Variants in MACROD2 observed in about 807,000 individuals in gnomAD.
MACROD2 encodes mono-ADP ribosylhydrolase 2, also known as ADP-ribose glycohydrolase MACROD2.
A neutral mutation model predicts 70.4 loss-of-function variants in MACROD2; 36 were observed. The ratio of observed to expected loss-of-function variants is 0.51; its 90% CI spans 0.39 to 0.68. MACROD2 has a LOEUF of 0.68. Ranked by LOEUF, MACROD2 falls within the 30% of genes least tolerant of loss-of-function variation. The pLI is 0.00. For missense variants in MACROD2, 496 were observed against 538.4 expected, an observed-to-expected ratio of 0.92 and a Z score of 0.78; for synonymous variants, 172 against 178.8, an observed-to-expected ratio of 0.96 and a Z score of 0.30.
chr20:15,990,877 G>T (rs576891004), intron 15 of MACROD2, among the ~76,000 whole-genome samples: 1 of 152,168 alleles, frequency 6.6e-6, no homozygotes, highest in South Asian at 2.1e-4. Context: ...CAATTATAAG[G>T]TTCTCCAGTT....
At chr20:14,387,224 A>G (rs563685713) in intron 3 of MACROD2, among the ~76,000 whole-genome samples, 3 of 152,256 alleles carry the variant, frequency 2.0e-5, no homozygotes, top group African/African-American at 7.2e-5. Flanking sequence ...GTTTCTTTGT[A>G]TGCTTTGTAA....
chr20:14,106,795 C>A (rs1045725905), intron 3 of MACROD2, among the ~76,000 whole-genome samples: 3 of 152,134 alleles, frequency 2.0e-5, no homozygotes, highest in African/African-American at 7.2e-5. Flanking sequence ...GCCTAGTAAT[C>A]CAGACAATTC....
chr20:14,759,839 T>C (rs1351159035), intron 5 of MACROD2, among the ~76,000 whole-genome samples: 2 of 152,118 alleles, frequency 1.3e-5, no homozygotes, highest in Non-Finnish European at 2.9e-5. Flanking sequence ...ATATTAGTTG[T>C]CCCTTCTTTT....
intron 4 of MACROD2, among the ~76,000 whole-genome samples, chr20:14,668,790 C>T (rs1411023342): frequency 6.6e-6 from 1 of 151,798 alleles, no homozygotes; most frequent in Non-Finnish European, 1.5e-5. Flanking sequence ...TGCACATTTC[C>T]ATGAAAATTT....
intron 3 of MACROD2, among the ~76,000 whole-genome samples, chr20:14,398,021 A>C (rs2083598763): frequency 6.6e-6 from 1 of 152,126 alleles, no homozygotes; most frequent in Non-Finnish European, 1.5e-5. Flanking sequence ...CACTTAACAT[A>C]ATGGCCTTCA....
At chr20:15,683,937 T>C (rs1029999007) in intron 8 of MACROD2, among the ~76,000 whole-genome samples, 3 of 152,186 alleles carry the variant, frequency 2.0e-5, no homozygotes, top group Non-Finnish European at 4.4e-5. Context: ...ATTAATTTTG[T>C]TTCAAAATGA....
At chr20:14,811,641 G>A (rs975742988) in intron 5 of MACROD2, among the ~76,000 whole-genome samples, 4 of 152,038 alleles carry the variant, frequency 2.6e-5, no homozygotes, top group Admixed American at 6.6e-5. Context: ...GAGTGACCAG[G>A]CAACCTACAG....
intron 9 of MACROD2, among the ~76,000 whole-genome samples, chr20:15,881,585 T>A (rs1029500226): frequency 1.3e-5 from 2 of 152,102 alleles, no homozygotes; most frequent in Non-Finnish European, 2.9e-5. Flanking sequence ...TTAGAGCAAT[T>A]GTAGAGGTTA....
chr20:14,740,302 A>C (rs1281150681), intron 5 of MACROD2, among the ~76,000 whole-genome samples: 5 of 152,138 alleles, frequency 3.3e-5, no homozygotes, highest in Non-Finnish European at 7.4e-5. Context: ...TCAACACTGC[A>C]CAACTAGTGT....
intron 8 of MACROD2, among the ~76,000 whole-genome samples, chr20:15,750,429 T>G (rs2051251334): frequency 6.6e-6 from 1 of 152,070 alleles, no homozygotes; most frequent in Non-Finnish European, 1.5e-5. Flanking sequence ...AAACGTAGTT[T>G]TCATAATTTT....
At chr20:14,952,558 A>G (rs1048220831) in intron 5 of MACROD2, among the ~76,000 whole-genome samples, 2 of 152,138 alleles carry the variant, frequency 1.3e-5, no homozygotes, top group African/African-American at 2.4e-5. Flanking sequence ...ACTGCCTTCC[A>G]TCAAAAGCAA....
intron 3 of MACROD2, among the ~76,000 whole-genome samples, chr20:14,349,963 G>A (rs772639543): frequency 2.6e-5 from 4 of 151,476 alleles, no homozygotes; most frequent in Non-Finnish European, 5.9e-5. Context: ...TGGTCAGGCT[G>A]GTCTCAAACT....
chr20:14,772,333 C>T (rs1004538894), intron 5 of MACROD2, among the ~76,000 whole-genome samples: 1 of 151,856 alleles, frequency 6.6e-6, no homozygotes, highest in Admixed American at 6.6e-5. Flanking sequence ...TTCATTTTCA[C>T]ACAGCTGATA....
chr20:15,584,945 A>T (rs950036335), intron 8 of MACROD2, among the ~76,000 whole-genome samples: 2 of 152,190 alleles, frequency 1.3e-5, no homozygotes, highest in African/African-American at 4.8e-5. Flanking sequence ...ATCTTTATGG[A>T]TTTCTCCAAC....
At chr20:14,745,761 C>T (rs1259536026) in intron 5 of MACROD2, among the ~76,000 whole-genome samples, 3 of 152,128 alleles carry the variant, frequency 2.0e-5, no homozygotes, top group Non-Finnish European at 4.4e-5. Flanking sequence ...TGTAGCTGTG[C>T]TACTGTCCTA....
intron 8 of MACROD2, among the ~76,000 whole-genome samples, chr20:15,708,026 A>G (rs2050562624): frequency 6.6e-6 from 1 of 151,944 alleles, no homozygotes; most frequent in Non-Finnish European, 1.5e-5. Context: ...AAGCAGAAGA[A>G]GCAGAAAATG....
chr20:15,413,495 G>A (rs2046106270), intron 6 of MACROD2, among the ~76,000 whole-genome samples: 1 of 152,196 alleles, frequency 6.6e-6, no homozygotes, highest in Non-Finnish European at 1.5e-5. Context: ...AGGAGTGGAG[G>A]TAGAGATAGT....
chr20:15,690,608 A>G (rs2050287700), intron 8 of MACROD2, among the ~76,000 whole-genome samples: 2 of 152,238 alleles, frequency 1.3e-5, no homozygotes, highest in Non-Finnish European at 2.9e-5. Context: ...AAAAGCACAT[A>G]GAGAATCCTT....
At chr20:14,884,435 A>G (rs1316935471) in intron 5 of MACROD2, 2 of 152,186 alleles carry the variant, frequency 1.3e-5, no homozygotes, top group African/African-American at 2.4e-5. Flanking sequence ...TGGGAACTCT[A>G]CTGGGTCTGT....
Sources: gnomAD v4.1 joint callset for allele counts (sites outside exome capture counted in the v4.1 genomes callset) on GRCh38, gnomAD v4.1.1 for gene constraint, MANE v1.5 for transcripts, NCBI Gene and HGNC (gene_info 2026-07-23, HGNC 2026-07-21) for gene names.